Variants in ANKRD11 observed in about 807,000 individuals in gnomAD.
ANKRD11 encodes the protein ankyrin repeat domain 11.
ANKRD11 carries 17 observed loss-of-function variants against 195.7 expected under a neutral mutation model. That is an observed-to-expected ratio of 0.09 (90% CI 0.06 to 0.13). ANKRD11 has a LOEUF of 0.13. Ranked by LOEUF, ANKRD11 falls within the 10% of genes least tolerant of loss-of-function variation. The probability of loss-of-function intolerance (pLI) is 1.00; values close to 1 mark genes in which losing one functional copy is unlikely to be tolerated. For synonymous variants in ANKRD11, 1,953 were observed against 1,528.1 expected, an observed-to-expected ratio of 1.28 and a Z score of -6.49; for missense variants, 3,735 against 3,566.1, an observed-to-expected ratio of 1.05 and a Z score of -1.21.
intron 2 of ANKRD11, among the ~76,000 whole-genome samples, chr16:89,335,333 C>T (rs2038295367): frequency 1.3e-5 from 2 of 152,208 alleles, no homozygotes; most frequent in African/African-American, 4.8e-5. Flanking sequence ...CAGTTCCTTC[C>T]AGCACAGGAA....
In ANKRD11 at chr16:89,283,959, T is replaced by C; in HGVS notation, c.2583A>G (p.Pro861=). The change falls in exon 9 of 13, where the codon CCA becomes CCG. Residue 861 remains proline (P), a synonymous_variant. Coordinates refer to ENST00000301030, the MANE Select transcript of ANKRD11 (RefSeq NM_013275.6). This position sits in a 1 kb window ranked among gnomAD's most constrained non-coding sequence, Gnocchi z 4.3. ...DFKGEDSWDS[P]VTDYRDMKSD... is the part of the protein sequence containing the mutation. ...TCTTCATGTCCCTGTAGTCTGTCAC[T>C]GGCGAGTCCCAGCTGTCCTCCCCTT... 2 of 1,613,810 alleles carry C rather than the reference T, an allele frequency of 1.2e-6. No individual in the cohort carries two copies. Among genetic ancestry groups the C allele is most frequent in the East Asian group, 2.2e-5 (1 of 44,850 alleles).
At position 89,281,164 on chromosome 16, in the gene ANKRD11, A is replaced by G. The variant is rs767934146; in HGVS notation, c.5378T>C (p.Val1793Ala). The change falls in exon 9 of 13, where the codon GTC becomes GCC. Residue 1793 changes from valine (V) to alanine (A), a missense_variant. Val to Ala is a moderately conservative substitution (Grantham distance 64). Transcript: ENST00000301030. This position sits in a 1 kb window ranked among gnomAD's most constrained non-coding sequence, Gnocchi z 5.5. The part of the protein sequence containing the change: ...LSTNLYRSVS[V>A]DIRRTPEEEF... Reference sequence around the variant, plus strand: ...TTCCTCGGGGGTCCTCCTAATGTCGACAGAGACCGAGCGGTAAAGGTTTGT... The same window carrying G: ...TTCCTCGGGGGTCCTCCTAATGTCGGCAGAGACCGAGCGGTAAAGGTTTGT... 2.5e-6 allele frequency: 4 copies of G among 1,614,084 alleles called. No homozygotes were observed. In the South Asian group the frequency reaches 4.4e-5, roughly 18 times the overall value.
At chr16:89,288,793 G>T (rs2034829598) in intron 6 of ANKRD11, 123 bp from the exon 7 acceptor site, 1 of 1,379,390 alleles carries the variant, frequency 7.2e-7, no homozygotes, top group Non-Finnish European at 1.0e-6. Context: ...CTGCCCTGTA[G>T]TGAGGGCTGC....
At chr16:89,367,403 C>T (rs1158561366) in intron 2 of ANKRD11, among the ~76,000 whole-genome samples, 4 of 152,344 alleles carry the variant, frequency 2.6e-5, no homozygotes, top group Admixed American at 1.3e-4. Flanking sequence ...GGATGCTCAA[C>T]GCAACCTTAG....
At chr16:89,347,111 A>G (rs1057160065) in intron 2 of ANKRD11, among the ~76,000 whole-genome samples, 1 of 152,282 alleles carries the variant, frequency 6.6e-6, no homozygotes, top group South Asian at 2.1e-4. Flanking sequence ...AGGCCCGTGG[A>G]GGTGTCTCTC....
intron 2 of ANKRD11, among the ~76,000 whole-genome samples, chr16:89,347,597 C>A (rs1009710719): frequency 2.4e-5 from 3 of 127,474 alleles, no homozygotes; most frequent in South Asian, 2.4e-4. Flanking sequence ...GGCGACAGAG[C>A]GAGACTCCGT....
intron 2 of ANKRD11, among the ~76,000 whole-genome samples, chr16:89,344,111 T>G (rs2038827355): frequency 6.6e-6 from 1 of 152,162 alleles, no homozygotes; most frequent in South Asian, 2.1e-4. Context: ...TCTCCTCATC[T>G]ATAGGCTGGG....
chr16:89,330,644 C>G (rs1330807048), intron 2 of ANKRD11, among the ~76,000 whole-genome samples: 1 of 99,364 alleles, frequency 1.0e-5, no homozygotes, highest in Admixed American at 1.5e-4. Context: ...GTAGGTTTCC[C>G]CAGTACAGTG....
intron 9 of ANKRD11, among the ~76,000 whole-genome samples, chr16:89,277,071 T>C (rs868624398): frequency 4.3e-5 from 5 of 116,080 alleles, no homozygotes; most frequent in South Asian, 5.5e-4. Flanking sequence ...AAAAAAAAAA[T>C]GGATTAAAAA....
intron 9 of ANKRD11, among the ~76,000 whole-genome samples, chr16:89,276,899 T>C (rs1413957151): frequency 6.6e-6 from 1 of 151,596 alleles, no homozygotes; most frequent in Non-Finnish European, 1.5e-5. Context: ...CTACAGAAAA[T>C]GCAAAAATTA....
At chr16:89,442,639 A>G (rs2043569434) in intron 1 of ANKRD11, among the ~76,000 whole-genome samples, 1 of 152,218 alleles carries the variant, frequency 6.6e-6, no homozygotes, top group Non-Finnish European at 1.5e-5. Context: ...CTGAAGCTCC[A>G]GGGAGGAGGC....
chr16:89,288,799 G>T, intron 6 of ANKRD11, 129 bp from the exon 7 acceptor site: 2 of 1,347,214 alleles, frequency 1.5e-6, no homozygotes, highest in Non-Finnish European at 2.1e-6. Context: ...TGTAGTGAGG[G>T]CTGCAGTTTA....
rs1336945633 is a variant in ANKRD11, at chr16:89,285,561, G to T, written c.981C>A (p.Leu327=). ...GCTCTGGGTTCTTGGCCTTGTGCTT[G>T]AGGCCTTTTTCGAACTCGGAGTCCG... ...NNTDSEFEKG[L]KHKAKNPEPQ... is the part of the protein sequence containing the mutation. Residue 327 remains leucine (L), a synonymous_variant, in exon 9 of 13, where the codon CTC becomes CTA. Transcript: ENST00000301030. This position sits in a 1 kb window ranked among gnomAD's most constrained non-coding sequence, Gnocchi z 5.6. The T allele has an allele frequency of 6.2e-7, 1 of 1,614,036 alleles. No individual in the cohort carries two copies. Among genetic ancestry groups the T allele is most frequent in the African/African-American group, 1.3e-5 (1 of 74,902 alleles).
chr16:89,367,828 C>T (rs1027248538), intron 2 of ANKRD11, among the ~76,000 whole-genome samples: 1 of 151,998 alleles, frequency 6.6e-6, no homozygotes, highest in Admixed American at 6.6e-5. Flanking sequence ...GGCAACATGG[C>T]GAAACCCTGT....
intron 1 of ANKRD11, 101 bp downstream of exon 1, chr16:89,490,143 GC>G (rs1461120418): frequency 8.8e-6 from 1 of 113,838 alleles, no homozygotes; most frequent in African/African-American, 3.3e-5. Flanking sequence ...CCGGAGGCCC[GC>G]GGCGCAGCTC....
intron 1 of ANKRD11, among the ~76,000 whole-genome samples, chr16:89,428,686 G>C (rs1003058405): frequency 6.6e-6 from 1 of 151,554 alleles, no homozygotes; most frequent in East Asian, 1.9e-4. Context: ...ACGAAGTCAG[G>C]AGTTCGAGAC....
At chr16:89,460,129 T>A (rs934554014) in intron 1 of ANKRD11, among the ~76,000 whole-genome samples, 1 of 151,700 alleles carries the variant, frequency 6.6e-6, no homozygotes, top group Non-Finnish European at 1.5e-5. Flanking sequence ...TCCCAGCTAC[T>A]CGGGAGGCTG....
intron 2 of ANKRD11, among the ~76,000 whole-genome samples, chr16:89,405,282 C>A (rs1266741511): frequency 6.6e-6 from 1 of 152,150 alleles, no homozygotes; most frequent in Non-Finnish European, 1.5e-5. Flanking sequence ...TGGGGCATGA[C>A]TGTATTCTGT....
chr16:89,367,268 G>A (rs562263995), intron 2 of ANKRD11, among the ~76,000 whole-genome samples: 188 of 152,338 alleles, frequency 1.2e-3, no homozygotes, highest in South Asian at 2.5e-3. Context: ...GTAGAGCGCC[G>A]CTCCAGACTC....
Sources: allele counts gnomAD v4.1 joint callset (sites outside exome capture counted in the v4.1 genomes callset), GRCh38; gene constraint gnomAD v4.1.1; non-coding constraint Gnocchi (gnomAD v3.1); transcripts MANE v1.5; gene names NCBI Gene and HGNC (gene_info 2026-07-23, HGNC 2026-07-21).